The following QRFPR variants were observed in gnomAD, a reference collection of about 807,000 sequenced individuals.
QRFPR encodes pyroglutamylated RF-amide peptide receptor.
QRFPR carries 37 observed loss-of-function variants against 31.3 expected under a neutral mutation model. That is an observed-to-expected ratio of 1.18 (90% CI 0.91 to 1.56). The LOEUF is 1.56. QRFPR is among the 40% of genes most tolerant of loss of function. QRFPR has a pLI of 0.00. For missense variants in QRFPR, 542 were observed against 532.5 expected (o/e 1.02, Z -0.18); for synonymous variants, 197 against 192.0 (o/e 1.03, Z -0.22).
rs1726095345 is a variant in QRFPR at position 121,365,561 on chromosome 4, TA to T, written c.340+14746del. Among the ~76,000 whole-genome samples the T allele has an allele frequency of 1.9e-3, 11 of 5,656 alleles. No homozygotes were observed. The East Asian group carries it at 0.042, about 21-fold the overall frequency. 3.7% of individuals were successfully genotyped at this position (5,656 alleles called of 152,430 possible). A position where few individuals can be genotyped will look rare whatever the true frequency, so the allele number is the denominator to read the frequency against. On this transcript the variant is annotated intron_variant, in intron 1 of 5. Coordinates refer to ENST00000394427, the MANE Select transcript of QRFPR (RefSeq NM_198179.3). ...TATATATTATATATAATATATAATATATATTATATATAATATATATTATATA... is the reference window on the plus strand; with the variant it reads ...TATATATTATATATAATATATAATATTATTATATATAATATATATTATATA...
chr4:121,352,523 T>C (rs1725782315), intron 1 of QRFPR, among the ~76,000 whole-genome samples: 1 of 152,052 alleles, frequency 6.6e-6, no homozygotes, highest in South Asian at 2.1e-4. Context: ...ATTTAAAAAA[T>C]CATCACTGGC....
At chr4:121,333,769 C>A (rs188808245) in intron 3 of QRFPR, among the ~76,000 whole-genome samples, 161 of 152,196 alleles carry the variant, frequency 1.1e-3, no homozygotes, top group Non-Finnish European at 1.9e-3. Flanking sequence ...AGTTCAAGAA[C>A]AAACTAAATA....
chr4:121,330,430 T>C lies in QRFPR; in HGVS notation c.891A>G (p.Glu297=). 6.2e-7 allele frequency: 1 copy of C among 1,602,624 alleles called. No individual in the cohort carries two copies. Among genetic ancestry groups the C allele is most frequent in the East Asian group, 2.2e-5 (1 of 44,798 alleles). Reference sequence around the variant, plus strand: ...ATGAGAATGACAAGCACTCACTGTATTCAATCATCATATGGACAACATGGA... The same window carrying C: ...ATGAGAATGACAAGCACTCACTGTACTCAATCATCATATGGACAACATGGA... The part of the protein sequence containing the change: ...APFHVVHMMI[E]YSNFEKEYDD... Residue 297 remains glutamate (E), a synonymous_variant, in exon 5 of 6, where the codon GAA becomes GAG. Coordinates refer to ENST00000394427, the MANE Select transcript of QRFPR (RefSeq NM_198179.3).
chr4:121,365,592 A>ATT (rs1726105195), intron 1 of QRFPR, among the ~76,000 whole-genome samples: 1 of 6,116 alleles, frequency 1.6e-4, no homozygotes, highest in African/African-American at 8.7e-4. Context: ...TATATATATT[A>ATT]TATATATATA....
chr4:121,361,128 G>A lies in QRFPR; in HGVS notation c.340+19180C>T, dbSNP rs1272723543. 3.3e-5 allele frequency among the ~76,000 whole-genome samples: 5 copies of A among 150,884 alleles called. No individual in the cohort carries two copies. The South Asian group carries it at 6.3e-4, about 19-fold the overall frequency. ...AAATCCAGCCACACGCTACAGAAAC[G>A]AGAAAAAGCACTCAATTTCCCTAAT... On this transcript the variant is annotated intron_variant, in intron 1 of 5. Transcript: ENST00000394427.
In QRFPR at chr4:121,329,365, A is replaced by G. The variant is rs978428997; in HGVS notation, c.1245T>C (p.Ala415=). The change falls in exon 6 of 6, where the codon GCT becomes GCC. Residue 415 remains alanine (A), a synonymous_variant. Transcript: ENST00000394427. The stretch of plus-strand genomic sequence containing the variant: ...TCTCAGCCAGTTCAGACCTAAAGAG[A>G]GCAAGATGTCGTTTGAGCTTTTTCT... The part of the protein sequence containing the change: ...EEKKKLKRHL[A]LFRSELAENS... 2.5e-6 allele frequency: 4 copies of G among 1,614,010 alleles called. No individual in the cohort carries two copies. Among genetic ancestry groups the G allele is most frequent in the Non-Finnish European group, 3.4e-6 (4 of 1,179,986 alleles).
intron 1 of QRFPR, chr4:121,370,244 A>G (rs1195848322): frequency 1.3e-6 from 1 of 780,422 alleles, no homozygotes; most frequent in Non-Finnish European, 2.4e-6. Context: ...TGAGGGTATC[A>G]TCATAGCTGA....
intron 4 of QRFPR, among the ~76,000 whole-genome samples, chr4:121,331,343 C>A (rs563322274): frequency 1.3e-5 from 2 of 151,312 alleles, no homozygotes; most frequent in African/African-American, 2.4e-5. Context: ...GCCACTACAC[C>A]CAGCTAATTT....
At chr4:121,359,633 ATG>A (rs35744650) in intron 1 of QRFPR, among the ~76,000 whole-genome samples, 184 of 150,112 alleles carry the variant, frequency 1.2e-3, no homozygotes, top group African/African-American at 4.2e-3. Flanking sequence ...TCATATATAT[ATG>A]TGTGTGTGTG....
chr4:121,380,483 G>A lies in QRFPR; in HGVS notation c.165C>T (p.Ile55=), dbSNP rs770526497. 32 of 1,614,134 alleles carry A rather than the reference G, an allele frequency of 2.0e-5. No individual in the cohort carries two copies. Among genetic ancestry groups the A allele is most frequent in the Non-Finnish European group, 2.7e-5 (32 of 1,180,042 alleles). Residue 55 remains isoleucine, a synonymous_variant, in exon 1 of 6, where the codon ATC becomes ATT. Coordinates refer to ENST00000394427, the MANE Select transcript of QRFPR (RefSeq NM_198179.3). The part of the protein sequence containing the change: ...KLALVLTGVL[I]FALALFGNAL... ...CATTGCCAAAGAGCGCCAGGGCGAA[G>A]ATGAGCACGCCGGTGAGCACGAGGG...
chr4:121,350,419 A>G (rs1725741720), intron 1 of QRFPR, among the ~76,000 whole-genome samples: 1 of 152,198 alleles, frequency 6.6e-6, no homozygotes, highest in Non-Finnish European at 1.5e-5. Context: ...CAACTATTTC[A>G]GATTGACATT....
In QRFPR at chr4:121,352,435, C is replaced by T. The variant is rs115573523; in HGVS notation, c.341-11825G>A. Among the ~76,000 whole-genome samples, 410 of 152,088 alleles carry T rather than the reference C, an allele frequency of 2.7e-3. 3 individuals carry two copies. The highest frequency in any genetic ancestry group is 9.5e-3 in the African/African-American group (393 of 41,522). ...AGATTCAAAGACCAAAAGCAGAAAA[C>T]GAAGTATGTACTTTCTCAAGCCCTT... On this transcript the variant is annotated intron_variant, in intron 1 of 5. Coordinates refer to ENST00000394427, the MANE Select transcript of QRFPR (RefSeq NM_198179.3).
Position 121,340,524 on chromosome 4 carries a change from T to C in QRFPR, c.427A>G (p.Arg143Gly), listed in dbSNP as rs779740151. 1.9e-6 allele frequency: 3 copies of C among 1,614,132 alleles called. No homozygotes were observed. The South Asian group carries it at 3.3e-5, about 18-fold the overall frequency. Residue 143 changes from arginine to glycine, a missense_variant, in exon 2 of 6, where the codon AGG (arginine) becomes GGG (glycine). Coordinates refer to ENST00000394427, the MANE Select transcript of QRFPR (RefSeq NM_198179.3). Reference sequence around the variant, plus strand: ...AAAGGATGCACAAGTCCCTGGTGCCTTTCCACAGCAATGCAGGTCATAGTG... The same window carrying C: ...AAAGGATGCACAAGTCCCTGGTGCCCTTCCACAGCAATGCAGGTCATAGTG... The part of the protein sequence containing the change: ...ILTMTCIAVE[R>G]HQGLVHPFKM...
intron 1 of QRFPR, among the ~76,000 whole-genome samples, chr4:121,350,017 T>G (rs1214901589): frequency 6.6e-6 from 1 of 151,854 alleles, no homozygotes; most frequent in Non-Finnish European, 1.5e-5. Context: ...TTGAAGAAAG[T>G]GGAAAGGGAA....
chr4:121,365,598 ATATAATAT>A (rs1277959841), intron 1 of QRFPR, among the ~76,000 whole-genome samples: 26 of 6,236 alleles, frequency 4.2e-3, no homozygotes, highest in African/African-American at 0.016. Context: ...TATTATATAT[ATATAATAT>A]ATATATTATA....
Position 121,336,834 on chromosome 4 carries a change from TGATCCTAC to T in QRFPR, c.526_533del (p.Val176ThrfsTer9), listed in dbSNP as rs1464563595. The T allele has an allele frequency of 1.2e-6, 2 of 1,614,036 alleles. No individual in the cohort carries two copies. Among genetic ancestry groups the T allele is most frequent in the East Asian group, 4.5e-5 (2 of 44,870 alleles). ...CAAGTTGTTGCACGTGCCACATGGG[TGATCCTAC>T]GATGACTGCCACCAGCCAGACCACA... On this transcript the variant is annotated frameshift_variant, in exon 3 of 6. Coordinates refer to ENST00000394427, the MANE Select transcript of QRFPR (RefSeq NM_198179.3). LOFTEE classifies it high-confidence loss of function.
chr4:121,379,916 G>A (rs558101566), intron 1 of QRFPR, among the ~76,000 whole-genome samples: 17 of 152,142 alleles, frequency 1.1e-4, no homozygotes, highest in Non-Finnish European at 2.2e-4. Flanking sequence ...AAAACTAGGG[G>A]AGAAAAACCT....
chr4:121,353,538 A>G (rs1725803821), intron 1 of QRFPR, among the ~76,000 whole-genome samples: 1 of 151,970 alleles, frequency 6.6e-6, no homozygotes, highest in Admixed American at 6.6e-5. Context: ...ATCTATTCAG[A>G]TCTTTTGCCC....
chr4:121,338,856 G>T (rs1200178050), intron 2 of QRFPR, among the ~76,000 whole-genome samples: 4 of 152,188 alleles, frequency 2.6e-5, no homozygotes, highest in Non-Finnish European at 5.9e-5. Flanking sequence ...TTGAGATGTT[G>T]TCACTCGCGC....
Sources: allele counts gnomAD v4.1 joint callset (sites outside exome capture counted in the v4.1 genomes callset), GRCh38; gene constraint gnomAD v4.1.1; transcripts MANE v1.5; gene names NCBI Gene and HGNC (gene_info 2026-07-23, HGNC 2026-07-21).